COL17A1: variants seen among roughly 807,000 people sequenced by gnomAD.
COL17A1 encodes collagen type XVII alpha 1 chain.
Under a neutral mutation model 218.4 loss-of-function variants are expected in COL17A1, and 181 were observed. The observed-to-expected ratio is 0.83, with a 90% CI of 0.73 to 0.94. The LOEUF (loss-of-function observed/expected upper bound fraction) is 0.94. Ranked by LOEUF, COL17A1 falls within the 40% of genes least tolerant of loss-of-function variation. COL17A1 has a pLI of 0.00. For missense variants in COL17A1, 1,924 were observed against 1,945.9 expected (o/e 0.99, Z 0.21); for synonymous variants, 721 against 731.0 (o/e 0.99, Z 0.22).
Position 104,055,012 on chromosome 10 carries a change from A to G in COL17A1, c.1718-5T>C. The stretch of plus-strand genomic sequence containing the variant: ...GGCCTGGACTTCCCATGTCACCTGA[A>G]ACCAGAAAGATATGAAAACTGTGAG... On this transcript the variant is annotated splice_region_variant and splice_polypyrimidine_tract_variant and intron_variant, in intron 19 of 55. Coordinates refer to ENST00000648076, the MANE Select transcript of COL17A1 (RefSeq NM_000494.4). 6.2e-7 allele frequency: 1 copy of G among 1,614,088 alleles called. No individual in the cohort carries two copies. Among genetic ancestry groups the G allele is most frequent in the Non-Finnish European group, 8.5e-7 (1 of 1,180,014 alleles).
At chr10:104,050,487 A>G in intron 27 of COL17A1, 134 bp downstream of exon 27, 2 of 1,456,766 alleles carry the variant, frequency 1.4e-6, no homozygotes, top group East Asian at 4.7e-5. Context: ...CAGTTTCCCT[A>G]TCTGAGAGGT....
At position 104,051,471 on chromosome 10, in the gene COL17A1, G is replaced by A; in HGVS notation, c.2038+10C>T. ...AAACAGAACCTATTTACAAGAAGCA[G>A]CAAACTGACCTGGAGGGCCCTGTGG... On this transcript the variant is annotated intron_variant, in intron 25 of 55. Coordinates refer to ENST00000648076, the MANE Select transcript of COL17A1 (RefSeq NM_000494.4). 1 of 1,614,052 alleles carries A rather than the reference G, an allele frequency of 6.2e-7. No homozygotes were observed. Among genetic ancestry groups the A allele is most frequent in the South Asian group, 1.1e-5 (1 of 91,062 alleles).
chr10:104,040,417 A>G lies in COL17A1; in HGVS notation c.2702-7T>C. ...GGGCCGGAGAGGAAGGTTTCTGCAG[A>G]GGAAGGAAATAGTTTGAGTATGGAC... On this transcript the variant is annotated splice_region_variant and splice_polypyrimidine_tract_variant and intron_variant, in intron 39 of 55. Transcript: ENST00000648076. The G allele has an allele frequency of 6.2e-7, 1 of 1,604,314 alleles. No individual in the cohort carries two copies. Among genetic ancestry groups the G allele is most frequent in the Non-Finnish European group, 8.5e-7 (1 of 1,171,390 alleles).
At chr10:104,048,248 C>A in intron 29 of COL17A1, 144 bp from the exon 30 acceptor site, 2 of 833,960 alleles carry the variant, frequency 2.4e-6, no homozygotes, top group East Asian at 2.4e-5. Context: ...GTCTGTCACA[C>A]TCTCTGGATA....
At chr10:104,074,103 A>C (rs2086689757) in intron 6 of COL17A1, 81 bp downstream of exon 6, 1 of 1,606,354 alleles carries the variant, frequency 6.2e-7, no homozygotes, top group Non-Finnish European at 8.5e-7. Flanking sequence ...GAGGTCCCCT[A>C]CTCCCACCAC....
intron 11 of COL17A1, 112 bp downstream of exon 11, chr10:104,063,635 G>T: frequency 6.7e-7 from 1 of 1,499,602 alleles, no homozygotes. Flanking sequence ...CTGTGCCTCT[G>T]CTTCTGAGCT....
rs1222964379 is a variant in COL17A1 at position 104,060,136 on chromosome 10, G to C, written c.1124C>G (p.Pro375Arg). ...KDSGKVFTAS[P>R]ASIAATSFSE... ...TGACGCACTTGCAGCGATGCTGGCA[G>C]GGGAGGCTGTAAAGACCTTCCCGCT... Residue 375 changes from proline (P) to arginine (R), a missense_variant, in exon 14 of 56, where the codon CCT becomes CGT. Physicochemically the swap from Pro to Arg is moderately radical, Grantham distance 103. Coordinates refer to ENST00000648076, the MANE Select transcript of COL17A1 (RefSeq NM_000494.4). 4.3e-6 allele frequency: 7 copies of C among 1,614,012 alleles called. No homozygotes were observed. In the Admixed American group the frequency reaches 1.0e-4, roughly 23 times the overall value.
chr10:104,046,631 T>C, intron 32 of COL17A1, 116 bp downstream of exon 32: 1 of 960,260 alleles, frequency 1.0e-6, no homozygotes, highest in Non-Finnish European at 1.7e-6. Context: ...AGGGAGTGTG[T>C]GCCAGGGAGT....
At chr10:104,065,908 A>T (rs1365177539) in intron 9 of COL17A1, among the ~76,000 whole-genome samples, 12 of 152,220 alleles carry the variant, frequency 7.9e-5, no homozygotes, top group Admixed American at 4.6e-4. Flanking sequence ...ACAGTGGTCC[A>T]TTTCCAAGAC....
In COL17A1 at chr10:104,052,161, G is replaced by A. The variant is rs371539952; in HGVS notation, c.1996C>T (p.Pro666Ser). 1.1e-5 allele frequency: 17 copies of A among 1,613,974 alleles called. No homozygotes were observed. The African/African-American group carries it at 1.6e-4, about 15-fold the overall frequency. ...GPPGVPGSVG[P>S]KGSSGSPGPQ... ...TCCTGCACACTGGACTTACCTTTGG[G>A]ACCCACAGAACCTGGGACACCAGGT... The change falls in exon 24 of 56, where the codon CCC (proline) becomes TCC (serine). Residue 666 changes from proline (P) to serine (S), a missense_variant. Transcript: ENST00000648076.
intron 35 of COL17A1, among the ~76,000 whole-genome samples, chr10:104,042,822 A>G (rs999577238): frequency 3.3e-5 from 5 of 152,260 alleles, no homozygotes; most frequent in African/African-American, 1.2e-4. Flanking sequence ...AAAATAATTA[A>G]AAACACATAT....
intron 45 of COL17A1, 101 bp downstream of exon 45, chr10:104,038,305 T>C: frequency 1.3e-6 from 2 of 1,510,366 alleles, no homozygotes. Context: ...CATCGTCCCA[T>C]GTCTCTTAGC....
chr10:104,049,216 C>G (rs184161219), intron 29 of COL17A1, among the ~76,000 whole-genome samples, 193 bp downstream of exon 29: 1 of 152,138 alleles, frequency 6.6e-6, no homozygotes, highest in Non-Finnish European at 1.5e-5. Flanking sequence ...GGAAAGAAAC[C>G]CACAGAGGTA....
chr10:104,048,669 G>T (rs2086437475), intron 29 of COL17A1, among the ~76,000 whole-genome samples: 1 of 152,098 alleles, frequency 6.6e-6, no homozygotes, highest in Non-Finnish European at 1.5e-5. Flanking sequence ...CGTGACACTT[G>T]TCACCTCATG....
intron 17 of COL17A1, among the ~76,000 whole-genome samples, chr10:104,056,647 A>T (rs1045502927): frequency 2.6e-5 from 4 of 152,198 alleles, no homozygotes; most frequent in African/African-American, 9.7e-5. Flanking sequence ...GGAAACAGCA[A>T]AAGTCAAAAA....
At chr10:104,077,664 T>C (rs111510281) in intron 3 of COL17A1, 138 bp from the exon 4 acceptor site, 2 of 723,574 alleles carry the variant, frequency 2.8e-6, no homozygotes, top group Non-Finnish European at 4.9e-6. Flanking sequence ...ACCTACATTA[T>C]AAGATGCAAG....
At chr10:104,032,646 T>C (rs768435227) in intron 55 of COL17A1, 28 bp downstream of exon 55, 1 of 1,607,172 alleles carries the variant, frequency 6.2e-7, no homozygotes, top group Non-Finnish European at 8.5e-7. Context: ...CTCCAGAACA[T>C]GCAAAACGTG....
At position 104,050,135 on chromosome 10, in the gene COL17A1, C is replaced by G; in HGVS notation, c.2129-11G>C. 6.2e-7 allele frequency: 1 copy of G among 1,614,090 alleles called. No homozygotes were observed. Among genetic ancestry groups the G allele is most frequent in the Non-Finnish European group, 8.5e-7 (1 of 1,180,000 alleles). ...TCTCACCCTGGTCACCTAAAGCAAA[C>G]AAGGGGGAGGTGGAAAAAGCCACAG... On this transcript the variant is annotated splice_polypyrimidine_tract_variant and intron_variant, in intron 27 of 55. Transcript: ENST00000648076.
At chr10:104,076,530 G>C in intron 4 of COL17A1, 101 bp from the exon 5 acceptor site, 2 of 1,537,894 alleles carry the variant, frequency 1.3e-6, no homozygotes, top group East Asian at 2.3e-5. Context: ...CTCAGGGAGG[G>C]TCTTCGGGAG....
Sources: gnomAD v4.1 joint callset for allele counts (sites outside exome capture counted in the v4.1 genomes callset) on GRCh38, gnomAD v4.1.1 for gene constraint, MANE v1.5 for transcripts, NCBI Gene and HGNC (gene_info 2026-07-23, HGNC 2026-07-21) for gene names.